The following AP2B1 variants were observed in gnomAD, a reference collection of about 807,000 sequenced individuals.
AP2B1 encodes the protein adaptor related protein complex 2 subunit beta 1, also known as AP-2 complex subunit beta.
Under a neutral mutation model 102.0 loss-of-function variants are expected in AP2B1, and 23 were observed. The observed-to-expected ratio is 0.23, with a 90% CI of 0.16 to 0.32. AP2B1 has a LOEUF of 0.32. Among genes scored for constraint, AP2B1 ranks in the 10% least tolerant of loss-of-function variants. The pLI is 1.00. For missense variants in AP2B1, 541 were observed against 1,157.4 expected, an observed-to-expected ratio of 0.47 and a Z score of 7.73; for synonymous variants, 381 against 421.2, an observed-to-expected ratio of 0.90 and a Z score of 1.17.
At chr17:35,645,288 G>C (rs1024536190) in intron 12 of AP2B1, among the ~76,000 whole-genome samples, 2 of 152,102 alleles carry the variant, frequency 1.3e-5, no homozygotes, top group Admixed American at 6.5e-5. Context: ...ACTGATTCTG[G>C]ACATGACTGA....
intron 10 of AP2B1, among the ~76,000 whole-genome samples, chr17:35,637,244 G>A (rs2142700546): frequency 6.6e-6 from 1 of 152,186 alleles, no homozygotes; most frequent in East Asian, 1.9e-4. Flanking sequence ...GAGTGCAGTG[G>A]TGCGATCGCA....
rs1267107252 is a variant in AP2B1 at position 35,647,893 on chromosome 17, T to TG, written c.1537-2637_1537-2636insG. 2.7e-5 allele frequency among the ~76,000 whole-genome samples: 4 copies of TG among 149,710 alleles called. No individual in the cohort carries two copies. In the South Asian group the frequency reaches 6.3e-4, roughly 24 times the overall value. On this transcript the variant is annotated intron_variant, in intron 12 of 21. Transcript: ENST00000610402. The stretch of plus-strand genomic sequence containing the variant: ...AGTTTTTTGGGTTTTGGGGGTTTGT[T>TG]TTTTTTTTTTTCTTTTGAGACAGAG...
intron 5 of AP2B1, 126 bp from the exon 6 acceptor site, chr17:35,624,271 T>G: frequency 1.2e-6 from 1 of 829,860 alleles, no homozygotes; most frequent in Non-Finnish European, 1.9e-6. Context: ...TCTATCTGAC[T>G]AGGTAAAATG....
intron 14 of AP2B1, among the ~76,000 whole-genome samples, chr17:35,670,201 C>G (rs552611647): frequency 2.0e-5 from 3 of 152,220 alleles, no homozygotes; most frequent in Admixed American, 2.0e-4. Flanking sequence ...GTAGAATTGA[C>G]TGTGAAAGAG....
At chr17:35,598,451 T>TC (rs915470964) in intron 3 of AP2B1, 116 bp downstream of exon 3, 2 of 603,116 alleles carry the variant, frequency 3.3e-6, no homozygotes, top group Admixed American at 6.2e-5. Context: ...AATGGGTTTG[T>TC]CCCACTAAAA....
chr17:35,627,033 C>T (rs1237979792), intron 7 of AP2B1, among the ~76,000 whole-genome samples, 191 bp downstream of exon 7: 1 of 152,064 alleles, frequency 6.6e-6, no homozygotes, highest in Admixed American at 6.6e-5. Flanking sequence ...TAATAAATGC[C>T]ATGCGTTGCT....
intron 11 of AP2B1, 76 bp from the exon 12 acceptor site, chr17:35,641,801 A>G (rs1350882261): frequency 4.5e-6 from 5 of 1,118,210 alleles, no homozygotes; most frequent in Non-Finnish European, 6.5e-6. Flanking sequence ...AGTTGGGGAA[A>G]CACCACTTTG....
rs71152739 is a variant in AP2B1, at chr17:35,616,142, C to CTTT, written c.525+7792_525+7794dup. Among the ~76,000 whole-genome samples, 5 of 57,436 alleles carry CTTT rather than the reference C, an allele frequency of 8.7e-5. 1 individual carries two copies. The highest frequency in any genetic ancestry group is 1.5e-4 in the Non-Finnish European group (5 of 32,994). The allele number at this position is 57,436 out of a possible 152,430, so 37.7% of individuals were successfully genotyped here. A position where few individuals can be genotyped will look rare whatever the true frequency, so the allele number is the denominator to read the frequency against. ...TGAACTTAGGTTTTAAAAAATATCT[C>CTTT]TTTTTTTTTTTTTTTTTTTTTTTTT... On this transcript the variant is annotated intron_variant, in intron 5 of 21. Coordinates refer to ENST00000610402, the MANE Select transcript of AP2B1 (RefSeq NM_001030006.2).
intron 13 of AP2B1, among the ~76,000 whole-genome samples, chr17:35,655,539 A>C (rs2075198130): frequency 6.6e-6 from 1 of 152,216 alleles, no homozygotes; most frequent in Non-Finnish European, 1.5e-5. Flanking sequence ...CCATTCCATG[A>C]ATATACCATT....
chr17:35,709,135 G>A lies in AP2B1; in HGVS notation c.2455-89G>A, dbSNP rs369152728. ...ACTGAGAGAAAGAGGAAGGAAATAG[G>A]GAGGCCTATTTCTAGACACAGCGCT... is the stretch of plus-strand genomic sequence containing the variant. On this transcript the variant is annotated intron_variant, in intron 18 of 21. Coordinates refer to ENST00000610402, the MANE Select transcript of AP2B1 (RefSeq NM_001030006.2). The A allele has an allele frequency of 7.8e-5, 86 of 1,100,362 alleles. No individual in the cohort carries two copies. The African/African-American group carries it at 1.2e-3, about 15-fold the overall frequency. 68.2% of individuals were successfully genotyped at this position (1,100,362 alleles called of 1,614,324 possible). A position where few individuals can be genotyped will look rare whatever the true frequency, so the allele number is the denominator to read the frequency against.
intron 1 of AP2B1, among the ~76,000 whole-genome samples, chr17:35,593,017 A>C (rs225306): frequency 0.3 from 44,886 of 152,012 alleles, 6,730 homozygotes; most frequent in South Asian, 0.41. Context: ...GGAAGAGTTA[A>C]GGTTGAGGTT....
chr17:35,659,411 T>C (rs951799773), intron 14 of AP2B1, among the ~76,000 whole-genome samples: 29 of 152,174 alleles, frequency 1.9e-4, no homozygotes, highest in African/African-American at 6.8e-4. Flanking sequence ...AAAAGAGACA[T>C]GTTACTTTCA....
chr17:35,681,615 A>ACT (rs1442128629), intron 17 of AP2B1, among the ~76,000 whole-genome samples: 3 of 152,008 alleles, frequency 2.0e-5, no homozygotes, highest in Admixed American at 2.0e-4. Context: ...GGTGGGCAGT[A>ACT]AAGACACGGT....
intron 18 of AP2B1, among the ~76,000 whole-genome samples, chr17:35,687,989 C>G (rs1229529930): frequency 6.6e-6 from 1 of 152,058 alleles, no homozygotes; most frequent in Non-Finnish European, 1.5e-5. Flanking sequence ...TAATTCAATC[C>G]CAAATTCCAT....
At chr17:35,680,836 A>T (rs998473467) in intron 17 of AP2B1, among the ~76,000 whole-genome samples, 1 of 151,826 alleles carries the variant, frequency 6.6e-6, no homozygotes, top group African/African-American at 2.4e-5. Context: ...AGCTAGGATT[A>T]CAGGTGCCTG....
chr17:35,614,653 A>G (rs1253158682), intron 5 of AP2B1, among the ~76,000 whole-genome samples: 1 of 117,078 alleles, frequency 8.5e-6, no homozygotes, highest in Non-Finnish European at 1.8e-5. Context: ...CTGTTGAATT[A>G]GTAAAAAAAA....
chr17:35,687,803 AG>A (rs1261815453), intron 18 of AP2B1, among the ~76,000 whole-genome samples: 1 of 152,132 alleles, frequency 6.6e-6, no homozygotes, highest in African/African-American at 2.4e-5. Context: ...CTCCTGCCTC[AG>A]CTTCCTAAAG....
chr17:35,637,707 A>G (rs1446233667), intron 10 of AP2B1, among the ~76,000 whole-genome samples: 1 of 129,642 alleles, frequency 7.7e-6, no homozygotes, highest in Non-Finnish European at 1.7e-5. Context: ...TTTTTTTTTG[A>G]GACAGTCTCA....
At chr17:35,602,804 C>T (rs1390245862) in intron 3 of AP2B1, among the ~76,000 whole-genome samples, 1 of 152,168 alleles carries the variant, frequency 6.6e-6, no homozygotes, top group Non-Finnish European at 1.5e-5. Context: ...GCACTTAACA[C>T]TTTTTACTTC....
Sources: allele counts gnomAD v4.1 joint callset (sites outside exome capture counted in the v4.1 genomes callset), GRCh38; gene constraint gnomAD v4.1.1; transcripts MANE v1.5; gene names NCBI Gene and HGNC (gene_info 2026-07-23, HGNC 2026-07-21).